The following PMF1 variants were observed in gnomAD, a reference collection of about 807,000 sequenced individuals.
The protein encoded by PMF1 is polyamine modulated factor 1.
A neutral mutation model predicts 26.7 loss-of-function variants in PMF1; 21 were observed. The observed-to-expected ratio is 0.79, with a 90% CI of 0.56 to 1.13. The LOEUF (loss-of-function observed/expected upper bound fraction) is 1.13. PMF1 is among the 50% of genes most tolerant of loss of function. The probability of loss-of-function intolerance (pLI) is 0.00; values close to 1 mark genes in which losing one functional copy is unlikely to be tolerated. For missense variants in PMF1, 266 were observed against 254.9 expected, an observed-to-expected ratio of 1.04 and a Z score of -0.30; for synonymous variants, 105 against 101.0, an observed-to-expected ratio of 1.04 and a Z score of -0.24.
At chr1:156,238,101 T>C (rs1659142349) in intron 4 of PMF1, among the ~76,000 whole-genome samples, 1 of 152,206 alleles carries the variant, frequency 6.6e-6, no homozygotes, top group African/African-American at 2.4e-5. Flanking sequence ...TATATGGATT[T>C]ATTTCTGAGT....
chr1:156,235,603 G>A (rs1187325196), intron 3 of PMF1, among the ~76,000 whole-genome samples: 1 of 150,732 alleles, frequency 6.6e-6, no homozygotes, highest in Admixed American at 6.6e-5. Flanking sequence ...CACCATGCCC[G>A]GCTAATTTTT....
At chr1:156,214,530 G>A (rs1657576944) in intron 1 of PMF1, among the ~76,000 whole-genome samples, 2 of 152,284 alleles carry the variant, frequency 1.3e-5, no homozygotes, top group African/African-American at 2.4e-5. Flanking sequence ...TTTGGAGCTT[G>A]CATTCAATGC....
At chr1:156,225,572 T>A (rs749011031) in intron 1 of PMF1, 1 of 1,554,520 alleles carries the variant, frequency 6.4e-7, no homozygotes, top group Admixed American at 1.9e-5. Context: ...CACTCCTTCA[T>A]TGGGACGGAA....
chr1:156,236,686 C>A, intron 4 of PMF1: 1 of 679,828 alleles, frequency 1.5e-6, no homozygotes, highest in Non-Finnish European at 2.4e-6. Context: ...CCCCCAGATC[C>A]TCCACCAGGC....
At chr1:156,238,442 G>C (rs1042371566) in intron 4 of PMF1, among the ~76,000 whole-genome samples, 1 of 152,210 alleles carries the variant, frequency 6.6e-6, no homozygotes, top group Non-Finnish European at 1.5e-5. Context: ...CAAGCTGAAT[G>C]ACACAGTAGC....
In PMF1 at chr1:156,239,534, C is replaced by G. The variant is rs1659229500; in HGVS notation, c.565-14C>G. On this transcript the variant is annotated splice_polypyrimidine_tract_variant and intron_variant, in intron 4 of 4. Transcript: ENST00000368277. ...TTAGATCCCAGTTTGTCTGTTGTCT[C>G]CCATTGATTTCAGGCTCTACACAGA... The G allele has an allele frequency of 6.2e-7, 1 of 1,611,440 alleles. No homozygotes were observed. Among genetic ancestry groups the G allele is most frequent in the East Asian group, 2.2e-5 (1 of 44,834 alleles).
At chr1:156,217,188 G>C (rs2540174) in intron 1 of PMF1, among the ~76,000 whole-genome samples, 47,103 of 141,484 alleles carry the variant, frequency 0.33, 8,025 homozygotes, top group African/African-American at 0.39. Context: ...ACATATGTAA[G>C]TAACCTGCAC....
intron 1 of PMF1, among the ~76,000 whole-genome samples, chr1:156,230,893 C>T (rs1295020212): frequency 2.7e-5 from 4 of 150,840 alleles, no homozygotes; most frequent in African/African-American, 7.3e-5. Context: ...AGTGAGACCG[C>T]GACTCTACAA....
intron 1 of PMF1, among the ~76,000 whole-genome samples, chr1:156,216,117 G>A (rs1003131225): frequency 2.6e-5 from 4 of 151,922 alleles, no homozygotes; most frequent in South Asian, 2.1e-4. Flanking sequence ...TGAGCCTGGC[G>A]CAGTGGCTCA....
chr1:156,217,599 A>G (rs1214303558), intron 1 of PMF1, among the ~76,000 whole-genome samples: 1 of 152,060 alleles, frequency 6.6e-6, no homozygotes. Context: ...CATAATGCCC[A>G]CCAGTAATCT....
intron 1 of PMF1, among the ~76,000 whole-genome samples, chr1:156,227,152 A>G (rs1658412596): frequency 6.6e-6 from 1 of 152,188 alleles, no homozygotes; most frequent in Non-Finnish European, 1.5e-5. Flanking sequence ...CCACAAGGAT[A>G]TTATAATTTG....
intron 4 of PMF1, among the ~76,000 whole-genome samples, chr1:156,237,829 T>C (rs1659122025): frequency 6.6e-6 from 1 of 152,172 alleles, no homozygotes; most frequent in Admixed American, 6.5e-5. Flanking sequence ...TGATCTTGGT[T>C]CACTGCAACC....
At chr1:156,231,354 A>G (rs1020760750) in intron 1 of PMF1, among the ~76,000 whole-genome samples, 3 of 151,266 alleles carry the variant, frequency 2.0e-5, no homozygotes, top group African/African-American at 7.3e-5. Flanking sequence ...GTGGGCTCTG[A>G]TTGTGTCACT....
At chr1:156,223,392 C>G (rs1658188450) in intron 1 of PMF1, 1 of 152,204 alleles carries the variant, frequency 6.6e-6, no homozygotes, top group Admixed American at 6.5e-5. Flanking sequence ...ACTCCAGACT[C>G]TGTGTCTGGC....
Position 156,236,379 on chromosome 1 carries a change from A to C in PMF1, c.460A>C (p.Lys154Gln), listed in dbSNP as rs1331747405. 6.2e-7 allele frequency: 1 copy of C among 1,614,234 alleles called. No individual in the cohort carries two copies. Among genetic ancestry groups the C allele is most frequent in the South Asian group, 1.1e-5 (1 of 91,092 alleles). The change falls in exon 4 of 5, where the codon AAA becomes CAA. Residue 154 changes from lysine (K) to glutamine (Q), a missense_variant. Physicochemically the swap from Lys to Gln is moderately conservative, Grantham distance 53. Coordinates refer to ENST00000368277, the MANE Select transcript of PMF1 (RefSeq NM_007221.4). Reference protein sequence around the residue: ...QRDTLRRHVQKQEAENQQLAD... With the variant: ...QRDTLRRHVQQQEAENQQLAD... Reference sequence around the variant, plus strand: ...GGACACCCTGCGGCGCCATGTGCAGAAACAGGAGGCCGAGAACCAGCAGCT... The same window carrying C: ...GGACACCCTGCGGCGCCATGTGCAGCAACAGGAGGCCGAGAACCAGCAGCT...
Position 156,226,723 on chromosome 1 carries a change from G to A in PMF1, c.162-5597G>A, listed in dbSNP as rs557820936. On this transcript the variant is annotated intron_variant, in intron 1 of 4. Coordinates refer to ENST00000368277, the MANE Select transcript of PMF1 (RefSeq NM_007221.4). ...TTATTATCCCCATTTGACAGAGGAGGAAATTGAGGTTTATAGAGGTAAAGA... is the reference window on the plus strand; with the variant it reads ...TTATTATCCCCATTTGACAGAGGAGAAAATTGAGGTTTATAGAGGTAAAGA... 1.2e-4 allele frequency among the ~76,000 whole-genome samples: 19 copies of A among 152,330 alleles called. No homozygotes were observed. In the East Asian group the frequency reaches 3.5e-3, roughly 28 times the overall value.
chr1:156,239,633 T>A lies in PMF1; in HGVS notation c.*32T>A. ...CGCCAGCCCCAGAAGCAGAGGGCAGTCAAGGTCAAGAGCCTGTGGTCCAGC... is the reference window on the plus strand; with the variant it reads ...CGCCAGCCCCAGAAGCAGAGGGCAGACAAGGTCAAGAGCCTGTGGTCCAGC... On this transcript the variant is annotated 3_prime_UTR_variant, in exon 5 of 5. Transcript: ENST00000368277. The A allele has an allele frequency of 6.3e-7, 1 of 1,595,112 alleles. No individual in the cohort carries two copies. The highest frequency in any genetic ancestry group is 1.1e-5 in the South Asian group (1 of 90,446).
At chr1:156,235,848 G>A (rs1171234610) in intron 3 of PMF1, among the ~76,000 whole-genome samples, 2 of 152,182 alleles carry the variant, frequency 1.3e-5, no homozygotes, top group African/African-American at 4.8e-5. Context: ...ACTTATGGGG[G>A]CCTCCCACAG....
intron 3 of PMF1, among the ~76,000 whole-genome samples, chr1:156,234,829 A>G (rs2103126078): frequency 6.6e-6 from 1 of 152,158 alleles, no homozygotes; most frequent in East Asian, 1.9e-4. Context: ...TTTAGATGCC[A>G]GAAACTTAGC....
Sources: allele counts gnomAD v4.1 joint callset (sites outside exome capture counted in the v4.1 genomes callset), GRCh38; gene constraint gnomAD v4.1.1; transcripts MANE v1.5; gene names NCBI Gene and HGNC (gene_info 2026-07-23, HGNC 2026-07-21).